The following GALNT13 variants were observed in gnomAD, a reference collection of about 807,000 sequenced individuals.
The protein encoded by GALNT13 is polypeptide N-acetylgalactosaminyltransferase 13.
In GALNT13, 28 loss-of-function variants were observed where a neutral mutation model predicts 64.2. The observed-to-expected ratio is 0.44, with a 90% CI of 0.32 to 0.60. The LOEUF (loss-of-function observed/expected upper bound fraction) is 0.60, where lower values mean the gene tolerates loss of function less well. GALNT13 is among the 20% of genes least tolerant of loss of function. The pLI is 0.05. For missense variants in GALNT13, 577 were observed against 669.8 expected, an observed-to-expected ratio of 0.86 and a Z score of 1.53; for synonymous variants, 214 against 224.6, an observed-to-expected ratio of 0.95 and a Z score of 0.42.
At chr2:154,224,976 G>C (rs75218625) in intron 4 of GALNT13, among the ~76,000 whole-genome samples, 6,382 of 152,072 alleles carry the variant, frequency 0.042, 193 homozygotes, top group Non-Finnish European at 0.059. Flanking sequence ...CAGATGGAGT[G>C]CTAATATCAC....
At chr2:153,382,428 G>A in the GALNT13 span, among the ~76,000 whole-genome samples, 26 of 151,854 alleles carry the variant, frequency 1.7e-4, no homozygotes, top group African/African-American at 6.3e-4. Context: ...TGTGGTGTTG[G>A]GTTTTCTGTT....
the GALNT13 span, among the ~76,000 whole-genome samples, chr2:153,319,350 T>G: frequency 6.6e-6 from 1 of 152,182 alleles, no homozygotes; most frequent in Non-Finnish European, 1.5e-5. Flanking sequence ...TCATGGCTCA[T>G]TGCCGCCTCA....
At chr2:153,113,129 G>T in the GALNT13 span, among the ~76,000 whole-genome samples, 1 of 151,960 alleles carries the variant, frequency 6.6e-6, no homozygotes, top group Non-Finnish European at 1.5e-5. Flanking sequence ...ACATAAATAC[G>T]TCAAGAGATT....
At chr2:153,206,483 A>T in the GALNT13 span, among the ~76,000 whole-genome samples, 4 of 152,074 alleles carry the variant, frequency 2.6e-5, no homozygotes, top group Non-Finnish European at 5.9e-5. Flanking sequence ...TTTTGATACA[A>T]CCTATTGTCT....
rs575270524 is a variant in GALNT13, at chr2:154,452,005, C to G, written c.*1454C>G. ...ATACAAACTATGTCTCTGACATGCA[C>G]ATACACTGCTTTATAATGAAAATGA... On this transcript the variant is annotated 3_prime_UTR_variant, in exon 13 of 13. Transcript: ENST00000392825. 1.3e-5 allele frequency: 2 copies of G among 152,202 alleles called. No individual in the cohort carries two copies. The highest frequency in any genetic ancestry group is 4.8e-5 in the African/African-American group (2 of 41,556). 9.4% of individuals were successfully genotyped at this position (152,202 alleles called of 1,614,324 possible).
chr2:153,073,518 C>T, the GALNT13 span, among the ~76,000 whole-genome samples: 2 of 151,602 alleles, frequency 1.3e-5, no homozygotes, highest in African/African-American at 4.8e-5. Flanking sequence ...TTCATACTCT[C>T]CCACCAAGAT....
the GALNT13 span, among the ~76,000 whole-genome samples, chr2:153,161,581 T>A: frequency 3.3e-5 from 5 of 151,388 alleles, no homozygotes; most frequent in Non-Finnish European, 7.4e-5. Flanking sequence ...AGAGAGTGTG[T>A]CAGGAAGATA....
At chr2:153,265,672 C>CT in the GALNT13 span, among the ~76,000 whole-genome samples, 5 of 152,168 alleles carry the variant, frequency 3.3e-5, 1 homozygote, top group South Asian at 2.1e-4. Context: ...GATGAATGTG[C>CT]TTTTTTGTGT....
the GALNT13 span, among the ~76,000 whole-genome samples, chr2:153,406,531 C>T: frequency 6.6e-6 from 1 of 152,190 alleles, no homozygotes; most frequent in East Asian, 1.9e-4. Flanking sequence ...CCTCAGTCAC[C>T]TGAGTAGCTG....
At chr2:153,546,370 A>C in the GALNT13 span, among the ~76,000 whole-genome samples, 1 of 152,202 alleles carries the variant, frequency 6.6e-6, no homozygotes, top group Non-Finnish European at 1.5e-5. Context: ...TTCTGAAAAA[A>C]GCCTCACATT....
chr2:153,804,021 A>T, the GALNT13 span, among the ~76,000 whole-genome samples: 1 of 152,210 alleles, frequency 6.6e-6, no homozygotes. Context: ...CCACATCTGC[A>T]TTTGTCAAGA....
chr2:154,298,661 T>G (rs371274337), intron 8 of GALNT13, among the ~76,000 whole-genome samples: 457 of 32,724 alleles, frequency 0.014, 77 homozygotes, highest in African/African-American at 0.037. Context: ...TATATACAAT[T>G]TATATATACA....
At chr2:154,046,265 C>T (rs1466904713) in intron 3 of GALNT13, among the ~76,000 whole-genome samples, 4 of 152,168 alleles carry the variant, frequency 2.6e-5, no homozygotes, top group South Asian at 4.1e-4. Flanking sequence ...TTTGAGGTTT[C>T]AGGGAGCCCT....
chr2:153,870,882 G>T (rs556312326), upstream of GALNT13, among the ~76,000 whole-genome samples: 1 of 152,024 alleles, frequency 6.6e-6, no homozygotes, highest in African/African-American at 2.4e-5. Flanking sequence ...ACCCCTGTCA[G>T]CCCTTATTAC....
At chr2:154,017,350 G>C (rs1023922961) in intron 3 of GALNT13, among the ~76,000 whole-genome samples, 1 of 152,124 alleles carries the variant, frequency 6.6e-6, no homozygotes, top group African/African-American at 2.4e-5. Context: ...GGAATGGGCA[G>C]TACTAGCTTT....
chr2:154,248,757 A>G (rs541202877), intron 7 of GALNT13, among the ~76,000 whole-genome samples: 3 of 152,282 alleles, frequency 2.0e-5, no homozygotes, highest in Admixed American at 2.0e-4. Context: ...AATGGCATGA[A>G]AACTTTTCCC....
At chr2:153,702,480 A>C in the GALNT13 span, among the ~76,000 whole-genome samples, 1 of 152,098 alleles carries the variant, frequency 6.6e-6, no homozygotes, top group Non-Finnish European at 1.5e-5. Flanking sequence ...ATAAATAAAT[A>C]AAAAATAAGA....
chr2:153,984,357 T>C lies in GALNT13; in HGVS notation c.142+39718T>C, dbSNP rs191673617. ...TATTTGAAAGTGTATTTAGGGGCTA[T>C]ATAGTAAAGGATACTAGCTCCAGAA... is the stretch of plus-strand genomic sequence containing the variant. On this transcript the variant is annotated intron_variant, in intron 3 of 12. Transcript: ENST00000392825. Among the ~76,000 whole-genome samples the C allele has an allele frequency of 4.6e-5, 7 of 151,906 alleles. No individual in the cohort carries two copies. In the East Asian group the frequency reaches 1.2e-3, roughly 25 times the overall value.
chr2:154,254,583 GA>G (rs965484901), intron 7 of GALNT13, among the ~76,000 whole-genome samples: 19 of 148,984 alleles, frequency 1.3e-4, no homozygotes, highest in South Asian at 1.1e-3. Context: ...AAATACTTCA[GA>G]AAAAAAAAGA....
Sources: gnomAD v4.1 joint callset for allele counts (sites outside exome capture counted in the v4.1 genomes callset) on GRCh38, gnomAD v4.1.1 for gene constraint, MANE v1.5 for transcripts, NCBI Gene and HGNC (gene_info 2026-07-23, HGNC 2026-07-21) for gene names.